Variants in CENPE observed in about 807,000 individuals in gnomAD.
CENPE encodes centromere protein E.
In CENPE, 145 loss-of-function variants were observed where a neutral mutation model predicts 336.1. That is an observed-to-expected ratio of 0.43 (90% CI 0.38 to 0.50). CENPE has a LOEUF of 0.50. Ranked by LOEUF, CENPE falls within the 20% of genes least tolerant of loss-of-function variation. CENPE has a pLI of 0.00. For missense variants in CENPE, 2,719 were observed against 3,023.3 expected (o/e 0.90, Z 2.36); for synonymous variants, 1,013 against 984.8 (o/e 1.03, Z -0.54).
rs1411852049 is a variant in CENPE at position 103,196,781 on chromosome 4, A to C, written c.126T>G (p.Asp42Glu). The change falls in exon 2 of 49, where the codon GAT becomes GAG. Residue 42 changes from aspartate to glutamate, a missense_variant. Asp to Glu is a conservative substitution (Grantham distance 45). This residue lies in a region of CENPE where 48 missense variants were observed against 50.8 expected (regional missense o/e 0.94). Coordinates refer to ENST00000265148, the MANE Select transcript of CENPE (RefSeq NM_001813.3). Reference protein sequence around the residue: ...KTDNNVIYQVDGSKSFNFDRV... With the variant: ...KTDNNVIYQVEGSKSFNFDRV... ...TACCAAAATTGAAGGATTTACTTCC[A>C]TCAACTTGATAAATGACATTATTGT... 1 of 1,580,388 alleles carries C rather than the reference A, an allele frequency of 6.3e-7. No individual in the cohort carries two copies.
chr4:103,144,285 G>A (rs761051316), intron 33 of CENPE, 46 bp downstream of exon 33: 4 of 1,495,074 alleles, frequency 2.7e-6, no homozygotes, highest in Non-Finnish European at 2.7e-6. Context: ...TTTCTCTTAG[G>A]ACTCAATGTC....
In CENPE at chr4:103,144,394, C is replaced by T. The variant is rs200547471; in HGVS notation, c.5082G>A (p.Val1694=). 2.3e-4 allele frequency: 370 copies of T among 1,613,784 alleles called. No individual in the cohort carries two copies. The highest frequency in any genetic ancestry group is 2.7e-4 in the Non-Finnish European group (314 of 1,179,898). The change falls in exon 33 of 49, where the codon GTG becomes GTA. Residue 1694 remains valine (V), a synonymous_variant. Coordinates refer to ENST00000265148, the MANE Select transcript of CENPE (RefSeq NM_001813.3). Reference sequence around the variant, plus strand: ...CTCTCTCTACTTTGAGAGTCTCCTCCACACTCCTAAGGTCATCTCTTTCTT... The same window carrying T: ...CTCTCTCTACTTTGAGAGTCTCCTCTACACTCCTAAGGTCATCTCTTTCTT... The part of the protein sequence containing the change: ...VTKERDDLRS[V]EETLKVERDQ...
chr4:103,149,026 T>A (rs755825000), intron 27 of CENPE, 27 bp from the exon 28 acceptor site: 1 of 1,603,644 alleles, frequency 6.2e-7, no homozygotes, highest in African/African-American at 1.4e-5. Context: ...TAAAGAATAT[T>A]GTAATATTCT....
intron 43 of CENPE, 65 bp from the exon 44 acceptor site, chr4:103,120,398 A>G: frequency 7.5e-7 from 1 of 1,331,810 alleles, no homozygotes; most frequent in Non-Finnish European, 1.0e-6. Context: ...TAGAAATTTG[A>G]GACAGAGATG....
chr4:103,130,345 C>T (rs1751477926), intron 42 of CENPE, among the ~76,000 whole-genome samples: 1 of 152,082 alleles, frequency 6.6e-6, no homozygotes, highest in Non-Finnish European at 1.5e-5. Flanking sequence ...AGTCAATATA[C>T]GAAAGTTAAT....
chr4:103,170,429 T>C (rs1755306259), intron 16 of CENPE, among the ~76,000 whole-genome samples: 1 of 150,932 alleles, frequency 6.6e-6, no homozygotes, highest in East Asian at 1.9e-4. Flanking sequence ...AAGTGTGGAG[T>C]TTGTTTGTTT....
chr4:103,139,921 A>G lies in CENPE; in HGVS notation c.6072T>C (p.Thr2024=). 6.2e-7 allele frequency: 1 copy of G among 1,613,418 alleles called. No homozygotes were observed. The highest frequency in any genetic ancestry group is 8.5e-7 in the Non-Finnish European group (1 of 1,179,654). The change falls in exon 38 of 49, where the codon ACT becomes ACC. Residue 2024 remains threonine (T), a synonymous_variant. Transcript: ENST00000265148. ...CTTCAAGGCTTTCATGAAGTTTCTT[A>G]GTCAACTGGAAGTTATCCATTCTCA... ...QSVRMDNFQL[T]KKLHESLEEI...
intron 42 of CENPE, among the ~76,000 whole-genome samples, chr4:103,125,921 G>GA: frequency 6.8e-6 from 1 of 146,086 alleles, no homozygotes; most frequent in South Asian, 2.2e-4. Flanking sequence ...CAAAACAAAT[G>GA]AAAAAAATCC....
Position 103,145,217 on chromosome 4 carries a change from G to A in CENPE, c.4690C>T (p.Leu1564=). The change falls in exon 32 of 49, where the codon CTA becomes TTA. Residue 1564 remains leucine, a synonymous_variant. Transcript: ENST00000265148. ...AGCATCTTACTTTCTATACTTTGTA[G>A]TGCTGAATCCTTGGCTTTGCGATGC... is the stretch of plus-strand genomic sequence containing the variant. ...KEHRKAKDSA[L]QSIESKMLEL... 1 of 1,613,682 alleles carries A rather than the reference G, an allele frequency of 6.2e-7. No individual in the cohort carries two copies. The highest frequency in any genetic ancestry group is 2.2e-5 in the East Asian group (1 of 44,830).
Position 103,138,416 on chromosome 4 carries a change from T to C in CENPE, c.6238A>G (p.Arg2080Gly). The C allele has an allele frequency of 1.2e-6, 2 of 1,612,032 alleles. No homozygotes were observed. Among genetic ancestry groups the C allele is most frequent in the Non-Finnish European group, 1.7e-6 (2 of 1,178,314 alleles). Residue 2080 changes from arginine to glycine, a missense_variant, in exon 39 of 49, where the codon AGG becomes GGG. Arg to Gly is a moderately radical substitution (Grantham distance 125). Transcript: ENST00000265148. ...TGCTGTTGTCCATCACTTAGTAACC[T>C]TTTTTCAGGTTTTACTTGGTGGTTC... ...RQNHQVKPEK[R>G]LLSDGQQHLT... is the part of the protein sequence containing the mutation.
At position 103,153,116 on chromosome 4, in the gene CENPE, T is replaced by C. The variant is rs1213490870; in HGVS notation, c.3168A>G (p.Gln1056=). Residue 1056 remains glutamine, a synonymous_variant, in exon 25 of 49, where the codon CAA becomes CAG. Transcript: ENST00000265148. ...FSLIQEKNEL[Q]QMLESVIAEK... ...CTGCTATAACACTCTCTAACATTTG[T>C]TGGAGTTCATTTTTCTCCTGTATTA... The C allele has an allele frequency of 1.2e-6, 2 of 1,613,194 alleles. No individual in the cohort carries two copies. Among genetic ancestry groups the C allele is most frequent in the Admixed American group, 1.7e-5 (1 of 59,904 alleles).
intron 16 of CENPE, among the ~76,000 whole-genome samples, chr4:103,173,055 A>T (rs1755544793): frequency 1.3e-5 from 2 of 152,054 alleles, no homozygotes; most frequent in South Asian, 4.1e-4. Context: ...TAGCCAAAGC[A>T]ATCTTGAGCA....
chr4:103,143,133 G>C lies in CENPE; in HGVS notation c.5304+115C>G. 8.6e-6 allele frequency: 5 copies of C among 582,364 alleles called. No homozygotes were observed. In the South Asian group the frequency reaches 1.2e-4, roughly 14 times the overall value. 36.1% of individuals were successfully genotyped at this position (582,364 alleles called of 1,614,324 possible). On this transcript the variant is annotated intron_variant, in intron 34 of 48. Coordinates refer to ENST00000265148, the MANE Select transcript of CENPE (RefSeq NM_001813.3). ...AGATCAATGATAGTTTCTAAATTGA[G>C]TAGGCAAGTAAGTCTTCACTTGCCT...
intron 8 of CENPE, among the ~76,000 whole-genome samples, chr4:103,186,439 C>T (rs759011077): frequency 3.9e-5 from 6 of 152,196 alleles, no homozygotes; most frequent in African/African-American, 7.2e-5. Context: ...CTTATAGATA[C>T]GACTTACATT....
Position 103,114,562 on chromosome 4 carries a change from A to T in CENPE, c.7443-10T>A. On this transcript the variant is annotated splice_polypyrimidine_tract_variant and intron_variant, in intron 45 of 48. Transcript: ENST00000265148. ...TTTTGTAGCACTGATTCTAACAAAA[A>T]CAATAAAAATATGTAAAAAGCTCAG... is the stretch of plus-strand genomic sequence containing the variant. 6.5e-7 allele frequency: 1 copy of T among 1,536,052 alleles called. No homozygotes were observed. The highest frequency in any genetic ancestry group is 9.0e-7 in the Non-Finnish European group (1 of 1,114,836).
rs1750139779 is a variant in CENPE, at chr4:103,116,650, T to A, written c.7369A>T (p.Ile2457Phe). ...ACAAGCTTCATTTTGAGATCTTCAA[T>A]TTCTTCTTTATATGGCTTAGCTCCT... ...ALGAKPYKEE[I>F]EDLKMKLVKI... is the part of the protein sequence containing the mutation. Residue 2457 changes from isoleucine to phenylalanine, a missense_variant, in exon 45 of 49, where the codon ATT (isoleucine) becomes TTT (phenylalanine). Ile to Phe is a conservative substitution (Grantham distance 21). This residue lies in a region of CENPE where 2,437 missense variants were observed against 2,513.3 expected (regional missense o/e 0.97). Coordinates refer to ENST00000265148, the MANE Select transcript of CENPE (RefSeq NM_001813.3). The A allele has an allele frequency of 1.9e-6, 3 of 1,595,352 alleles. No homozygotes were observed. Among genetic ancestry groups the A allele is most frequent in the Admixed American group, 3.6e-5 (2 of 55,822 alleles).
Position 103,145,116 on chromosome 4 carries a change from T to G in CENPE, c.4791A>C (p.Arg1597Ser), listed in dbSNP as rs61751594. ...TCTCTATCTGAAGGGCCTCCTGTAC[T>G]CTTTTCATTTCCTCTTTTTCCTTAA... ...IMIKEKEEMK[R>S]VQEALQIERD... is the part of the protein sequence containing the mutation. Residue 1597 changes from arginine to serine, a missense_variant, in exon 32 of 49, where the codon AGA becomes AGC. Physicochemically the swap from Arg to Ser is moderately radical, Grantham distance 110. This residue lies in a region of CENPE where 2,437 missense variants were observed against 2,513.3 expected (regional missense o/e 0.97). Transcript: ENST00000265148. The G allele has an allele frequency of 5.3e-3, 8,508 of 1,611,142 alleles. 34 individuals are homozygous for G. The highest frequency in any genetic ancestry group is 6.5e-3 in the Non-Finnish European group (7,676 of 1,178,798).
intron 16 of CENPE, among the ~76,000 whole-genome samples, chr4:103,166,955 T>C (rs574618798): frequency 6.6e-6 from 1 of 152,346 alleles, no homozygotes; most frequent in East Asian, 1.9e-4. Context: ...TGATGGTTTC[T>C]GGATTAAGTT....
chr4:103,191,123 C>G (rs1292821655), intron 8 of CENPE, among the ~76,000 whole-genome samples: 1 of 152,110 alleles, frequency 6.6e-6, no homozygotes, highest in Non-Finnish European at 1.5e-5. Flanking sequence ...GTTAGAATGG[C>G]AATCGTTAAA....
Sources: gnomAD v4.1 joint callset for allele counts (sites outside exome capture counted in the v4.1 genomes callset) on GRCh38, gnomAD v4.1.1 for gene constraint, gnomAD v4.1.1 regional missense constraint, MANE v1.5 for transcripts, NCBI Gene and HGNC (gene_info 2026-07-23, HGNC 2026-07-21) for gene names.